Variants in PPP2R5E observed in about 807,000 individuals in gnomAD.
PPP2R5E encodes protein phosphatase 2 regulatory subunit B'epsilon, also known as serine/threonine-protein phosphatase 2A 56 kDa regulatory subunit epsilon isoform.
PPP2R5E carries 4 observed loss-of-function variants against 65.3 expected under a neutral mutation model. The observed-to-expected ratio is 0.06, with a 90% CI of 0.03 to 0.14. PPP2R5E has a LOEUF of 0.14. PPP2R5E is among the 10% of genes least tolerant of loss of function. The probability of loss-of-function intolerance (pLI) is 1.00; values close to 1 mark genes in which losing one functional copy is unlikely to be tolerated. For missense variants in PPP2R5E, 274 were observed against 556.1 expected (o/e 0.49, Z 5.10); for synonymous variants, 183 against 187.4 (o/e 0.98, Z 0.19).
chr14:63,506,466 A>G (rs747566923), intron 2 of PPP2R5E, among the ~76,000 whole-genome samples: 13 of 149,634 alleles, frequency 8.7e-5, no homozygotes, highest in Admixed American at 1.3e-4. Context: ...AGAAAAAAGT[A>G]ATAATAATAA....
At chr14:63,499,010 AT>A (rs1891719955) in intron 2 of PPP2R5E, among the ~76,000 whole-genome samples, 3 of 152,306 alleles carry the variant, frequency 2.0e-5, no homozygotes, top group African/African-American at 7.2e-5. Flanking sequence ...GTATTTCCAA[AT>A]TTAAAATCAA....
chr14:63,413,201 T>G (rs1309680859), intron 5 of PPP2R5E, among the ~76,000 whole-genome samples: 4 of 152,238 alleles, frequency 2.6e-5, no homozygotes, highest in Non-Finnish European at 5.9e-5. Context: ...CTGTCTACCA[T>G]GGACAGCACA....
chr14:63,461,656 T>A (rs1285547329), intron 2 of PPP2R5E, among the ~76,000 whole-genome samples: 4 of 104,762 alleles, frequency 3.8e-5, no homozygotes, highest in Admixed American at 8.2e-5. Flanking sequence ...AAAAAAAAAA[T>A]TGCTGGGCTT....
chr14:63,527,145 GACA>G (rs540748301), intron 2 of PPP2R5E, among the ~76,000 whole-genome samples: 190 of 152,212 alleles, frequency 1.2e-3, no homozygotes, highest in Admixed American at 3.6e-3. Flanking sequence ...CTCCAGCCTG[GACA>G]ACAAGAGGGA....
intron 2 of PPP2R5E, among the ~76,000 whole-genome samples, chr14:63,484,727 C>T (rs1217158836): frequency 2.0e-5 from 3 of 152,206 alleles, no homozygotes; most frequent in Admixed American, 6.5e-5. Flanking sequence ...GTCCTTCACA[C>T]TTTCCTTAAG....
intron 5 of PPP2R5E, among the ~76,000 whole-genome samples, chr14:63,408,617 A>C (rs1210991782): frequency 6.6e-6 from 1 of 152,208 alleles, no homozygotes; most frequent in Non-Finnish European, 1.5e-5. Context: ...AAACGTTTCA[A>C]GTTTTTAAAA....
At chr14:63,506,344 A>G (rs185694843) in intron 2 of PPP2R5E, among the ~76,000 whole-genome samples, 5,345 of 152,162 alleles carry the variant, frequency 0.035, 109 homozygotes, top group East Asian at 0.045. Flanking sequence ...CCAGCTACTC[A>G]GGAGGCTGAG....
chr14:63,463,931 T>C (rs542356103), intron 2 of PPP2R5E, among the ~76,000 whole-genome samples: 5 of 152,156 alleles, frequency 3.3e-5, no homozygotes, highest in Admixed American at 3.3e-4. Flanking sequence ...ATGGTTTATA[T>C]TCAAGGATAA....
At chr14:63,463,126 T>C (rs1594901126) in intron 2 of PPP2R5E, among the ~76,000 whole-genome samples, 1 of 124,444 alleles carries the variant, frequency 8.0e-6, no homozygotes, top group East Asian at 2.3e-4. Context: ...AAAACTAAGA[T>C]GGTTTTTTTG....
intron 3 of PPP2R5E, among the ~76,000 whole-genome samples, chr14:63,445,485 G>A (rs1167535443): frequency 6.6e-6 from 1 of 152,152 alleles, no homozygotes; most frequent in Non-Finnish European, 1.5e-5. Context: ...TCATGTTGAT[G>A]GCTGCTAACT....
At chr14:63,431,439 T>G (rs1887666926) in intron 3 of PPP2R5E, among the ~76,000 whole-genome samples, 1 of 152,258 alleles carries the variant, frequency 6.6e-6, no homozygotes, top group South Asian at 2.1e-4. Context: ...ATTATAATTT[T>G]CAGACATTAT....
intron 2 of PPP2R5E, among the ~76,000 whole-genome samples, chr14:63,500,597 G>A (rs950536231): frequency 2.6e-5 from 4 of 152,148 alleles, no homozygotes; most frequent in Admixed American, 6.5e-5. Context: ...TCCCTGGGTG[G>A]GCACAGCGGG....
chr14:63,383,367 T>C (rs1304817489), intron 12 of PPP2R5E, among the ~76,000 whole-genome samples: 2 of 152,242 alleles, frequency 1.3e-5, no homozygotes, highest in Non-Finnish European at 2.9e-5. Flanking sequence ...CTGTGTAGCT[T>C]CTGCCTTGTG....
At chr14:63,520,125 T>C (rs542532896) in intron 2 of PPP2R5E, among the ~76,000 whole-genome samples, 1 of 152,184 alleles carries the variant, frequency 6.6e-6, no homozygotes, top group African/African-American at 2.4e-5. Context: ...AAACTCCGCC[T>C]CCCGGGTTCA....
At chr14:63,430,389 A>ACATACATACATACATACATACATG (rs1887596047) in intron 3 of PPP2R5E, among the ~76,000 whole-genome samples, 2 of 142,492 alleles carry the variant, frequency 1.4e-5, no homozygotes, top group African/African-American at 2.9e-5. Flanking sequence ...ATACATACAT[A>ACATACATACATACATACATACATG]CATACATACA....
chr14:63,507,990 T>C (rs1179472154), intron 2 of PPP2R5E: 1 of 236,358 alleles, frequency 4.2e-6, no homozygotes, highest in African/African-American at 2.3e-5. Context: ...GGAGCCTCAG[T>C]TTGTATGAGT....
At chr14:63,470,211 A>C (rs1478277783) in intron 2 of PPP2R5E, among the ~76,000 whole-genome samples, 1 of 152,124 alleles carries the variant, frequency 6.6e-6, no homozygotes, top group Non-Finnish European at 1.5e-5. Context: ...GGCTGGGATT[A>C]CAGGCATGCA....
chr14:63,374,634 G>GATAGATAGAT lies in PPP2R5E; in HGVS notation c.*1374_*1375insATCTATCTAT, dbSNP rs1555353680. 1 of 109,596 alleles carries GATAGATAGAT rather than the reference G, an allele frequency of 9.1e-6. No homozygotes were observed. The highest frequency in any genetic ancestry group is 4.8e-5 in the African/African-American group (1 of 20,646). 6.8% of individuals were successfully genotyped at this position (109,596 alleles called of 1,614,324 possible). ...TAAATACAAAGCAGAGAGCCAATAA[G>GATAGATAGAT]ATATATATATATATATATATATATA... On this transcript the variant is annotated 3_prime_UTR_variant, in exon 14 of 14. Coordinates refer to ENST00000337537, the MANE Select transcript of PPP2R5E (RefSeq NM_006246.5).
At chr14:63,382,671 G>C (rs1884436491) in intron 12 of PPP2R5E, among the ~76,000 whole-genome samples, 1 of 152,174 alleles carries the variant, frequency 6.6e-6, no homozygotes, top group Admixed American at 6.5e-5. Context: ...AAAGTGCTGG[G>C]ATTATAGGCG....
Sources: allele counts gnomAD v4.1 joint callset (sites outside exome capture counted in the v4.1 genomes callset), GRCh38; gene constraint gnomAD v4.1.1; transcripts MANE v1.5; gene names NCBI Gene and HGNC (gene_info 2026-07-23, HGNC 2026-07-21).